Variants in SCNN1G observed in about 807,000 individuals in gnomAD.
SCNN1G encodes the protein sodium channel epithelial 1 subunit gamma, also known as epithelial sodium channel subunit gamma.
Under a neutral mutation model 64.6 loss-of-function variants are expected in SCNN1G, and 27 were observed. That is an observed-to-expected ratio of 0.42 (90% confidence interval 0.31 to 0.58). The LOEUF is 0.58. Among genes scored for constraint, SCNN1G ranks in the 20% least tolerant of loss-of-function variants. SCNN1G has a pLI of 0.18. For synonymous variants in SCNN1G, 330 were observed against 314.2 expected, an observed-to-expected ratio of 1.05 and a Z score of -0.53; for missense variants, 743 against 823.4, an observed-to-expected ratio of 0.90 and a Z score of 1.19.
intron 1 of SCNN1G, among the ~76,000 whole-genome samples, chr16:23,183,125 CG>C (rs1350054289): frequency 1.3e-5 from 2 of 152,264 alleles, no homozygotes; most frequent in Non-Finnish European, 2.9e-5. Context: ...CCTTCCCTGC[CG>C]GGGTGAGTCG....
intron 6 of SCNN1G, among the ~76,000 whole-genome samples, chr16:23,198,733 T>C (rs2141935585): frequency 6.6e-6 from 1 of 151,868 alleles, no homozygotes. Flanking sequence ...AGTAAGACTC[T>C]GTCTCAAAAA....
chr16:23,212,183 C>G, intron 8 of SCNN1G, 32 bp downstream of exon 8: 1 of 1,440,520 alleles, frequency 6.9e-7, no homozygotes, highest in Non-Finnish European at 9.8e-7. Context: ...CCTTGCATGC[C>G]CCAGGACCAG....
At chr16:23,204,292 T>C (rs1161639372) in intron 6 of SCNN1G, among the ~76,000 whole-genome samples, 1 of 4,302 alleles carries the variant, frequency 2.3e-4, no homozygotes, top group South Asian at 0.01. Context: ...TATATACATA[T>C]ATATATATAT....
At chr16:23,203,381 G>T (rs769599881) in intron 6 of SCNN1G, among the ~76,000 whole-genome samples, 9 of 152,112 alleles carry the variant, frequency 5.9e-5, no homozygotes, top group Non-Finnish European at 8.8e-5. Context: ...AGAATGGGGA[G>T]ACTCCATGTC....
intron 11 of SCNN1G, among the ~76,000 whole-genome samples, chr16:23,214,334 C>G (rs1960126238): frequency 6.6e-6 from 1 of 152,200 alleles, no homozygotes; most frequent in Admixed American, 6.5e-5. Context: ...TGCTTGTTGC[C>G]ATTGTGCCTA....
intron 6 of SCNN1G, 53 bp from the exon 7 acceptor site, chr16:23,209,697 C>A (rs749610150): frequency 5.9e-5 from 81 of 1,381,420 alleles, no homozygotes; most frequent in Non-Finnish European, 7.8e-5. Context: ...TGCAAAGCCC[C>A]CGCCTGGGTC....
At chr16:23,191,262 T>C (rs1959704070) in intron 3 of SCNN1G, among the ~76,000 whole-genome samples, 1 of 152,216 alleles carries the variant, frequency 6.6e-6, no homozygotes, top group African/African-American at 2.4e-5. Flanking sequence ...AGGGGCTATG[T>C]CCATACCTTA....
intron 8 of SCNN1G, 122 bp from the exon 9 acceptor site, chr16:23,212,556 G>A: frequency 1.3e-6 from 1 of 796,408 alleles, no homozygotes; most frequent in Non-Finnish European, 2.2e-6. Context: ...CCAGAGAGTT[G>A]GTAGAAAGTG....
At chr16:23,203,242 T>A (rs1220645426) in intron 6 of SCNN1G, among the ~76,000 whole-genome samples, 1 of 152,174 alleles carries the variant, frequency 6.6e-6, no homozygotes, top group Non-Finnish European at 1.5e-5. Context: ...CAGTGTTCTA[T>A]GCCAGAGTTG....
chr16:23,213,252 CT>C (rs376259589), intron 11 of SCNN1G, 89 bp downstream of exon 11: 20,120 of 525,934 alleles, frequency 0.038, 3 homozygotes, highest in East Asian at 0.054. Flanking sequence ...GCCAAATCCT[CT>C]TTTTTTTTTT....
At position 23,209,765 on chromosome 16, in the gene SCNN1G, C is replaced by G; in HGVS notation, c.1093C>G (p.Leu365Val). Residue 365 changes from leucine (L) to valine (V), a missense_variant, in exon 7 of 13, where the codon CTG becomes GTG. Coordinates refer to ENST00000300061, the MANE Select transcript of SCNN1G (RefSeq NM_001039.4). ...GTGATTGCAGACAGAGTCCTTCAAG[C>G]TGAGTGAGCCCTACAGTCAGTGCAC... is the stretch of plus-strand genomic sequence containing the variant. ...IGMHLTESFK[L>V]SEPYSQCTED... The G allele has an allele frequency of 6.2e-7, 1 of 1,613,670 alleles. No individual in the cohort carries two copies. The highest frequency in any genetic ancestry group is 8.5e-7 in the Non-Finnish European group (1 of 1,179,566).
chr16:23,189,780 A>G (rs1193709044), intron 3 of SCNN1G, 109 bp downstream of exon 3: 2 of 1,086,840 alleles, frequency 1.8e-6, no homozygotes, highest in South Asian at 1.3e-5. Context: ...GAAGAAATAC[A>G]CCCAGCTGGG....
At chr16:23,211,363 T>C (rs952335563) in intron 7 of SCNN1G, among the ~76,000 whole-genome samples, 3 of 152,212 alleles carry the variant, frequency 2.0e-5, no homozygotes, top group African/African-American at 7.2e-5. Context: ...GGCTTGAGAA[T>C]AGGAACACAG....
chr16:23,197,934 G>A (rs1036754521), intron 6 of SCNN1G, among the ~76,000 whole-genome samples: 6 of 152,112 alleles, frequency 3.9e-5, no homozygotes, highest in Admixed American at 3.9e-4. Context: ...GCCATTTGGG[G>A]AGAGAATTTC....
intron 4 of SCNN1G, 120 bp from the exon 5 acceptor site, chr16:23,194,051 T>C (rs1052815864): frequency 1.3e-5 from 10 of 748,400 alleles, no homozygotes; most frequent in African/African-American, 5.1e-5. Flanking sequence ...ATGGGGAAAA[T>C]GAGTCACATC....
At chr16:23,205,543 CA>C (rs1342244139) in intron 6 of SCNN1G, among the ~76,000 whole-genome samples, 2 of 151,964 alleles carry the variant, frequency 1.3e-5, no homozygotes, top group Non-Finnish European at 2.9e-5. Context: ...ACTAAAAATA[CA>C]AAGAAATTAG....
At chr16:23,205,686 T>G (rs1202097813) in intron 6 of SCNN1G, among the ~76,000 whole-genome samples, 3 of 140,394 alleles carry the variant, frequency 2.1e-5, no homozygotes, top group Admixed American at 7.6e-5. Flanking sequence ...GGCAACAGAG[T>G]GAGGCTCCAT....
At chr16:23,211,010 C>A (rs1960070313) in intron 7 of SCNN1G, among the ~76,000 whole-genome samples, 1 of 151,898 alleles carries the variant, frequency 6.6e-6, no homozygotes, top group Admixed American at 6.6e-5. Context: ...TGTACTTCAG[C>A]CTGGGTGAGA....
chr16:23,188,495 G>C (rs1023499858), intron 2 of SCNN1G, among the ~76,000 whole-genome samples: 1 of 152,198 alleles, frequency 6.6e-6, no homozygotes, highest in Non-Finnish European at 1.5e-5. Flanking sequence ...CTGGGCAACA[G>C]AGTGAGACCC....
Sources: gnomAD v4.1 joint callset for allele counts (sites outside exome capture counted in the v4.1 genomes callset) on GRCh38, gnomAD v4.1.1 for gene constraint, MANE v1.5 for transcripts, NCBI Gene and HGNC (gene_info 2026-07-23, HGNC 2026-07-21) for gene names.